The following SNX29 variants were observed in gnomAD, a reference collection of about 807,000 sequenced individuals.
SNX29 encodes the protein sorting nexin-29.
A neutral mutation model predicts 102.1 loss-of-function variants in SNX29; 78 were observed. That is an observed-to-expected ratio of 0.76 (90% confidence interval 0.64 to 0.92). SNX29 has a LOEUF of 0.92. SNX29 is among the 40% of genes least tolerant of loss of function. The probability of loss-of-function intolerance (pLI) is 0.00; values close to 1 mark genes in which losing one functional copy is unlikely to be tolerated. For missense variants in SNX29, 1,280 were observed against 1,061.7 expected, an observed-to-expected ratio of 1.21 and a Z score of -2.86; for synonymous variants, 580 against 414.5, an observed-to-expected ratio of 1.40 and a Z score of -4.85.
chr16:12,147,217 G>C (rs2055100241), intron 13 of SNX29, among the ~76,000 whole-genome samples: 1 of 152,228 alleles, frequency 6.6e-6, no homozygotes, highest in African/African-American at 2.4e-5. Context: ...ACCAAACACA[G>C]ACTTGGGCAG....
intron 3 of SNX29, among the ~76,000 whole-genome samples, chr16:12,024,885 T>C (rs1301341287): frequency 6.6e-6 from 1 of 152,202 alleles, no homozygotes; most frequent in African/African-American, 2.4e-5. Context: ...GTTTTTGTTT[T>C]TGTTTTTTTC....
At chr16:12,542,260 A>G (rs2077375526) in intron 20 of SNX29, among the ~76,000 whole-genome samples, 1 of 118,442 alleles carries the variant, frequency 8.4e-6, no homozygotes, top group Non-Finnish European at 2.1e-5. Context: ...ATAGATGAGG[A>G]AATTGAGGCA....
At chr16:12,238,861 C>A (rs2078016778) in intron 14 of SNX29, among the ~76,000 whole-genome samples, 1 of 152,230 alleles carries the variant, frequency 6.6e-6, no homozygotes, top group Non-Finnish European at 1.5e-5. Flanking sequence ...CTTTATCTTT[C>A]TGCTCTACCA....
At chr16:12,125,605 CTTTTTTTT>C (rs36212472) in intron 11 of SNX29, among the ~76,000 whole-genome samples, 2 of 45,406 alleles carry the variant, frequency 4.4e-5, no homozygotes, top group Non-Finnish European at 8.3e-5. Context: ...TGAGATCTCT[CTTTTTTTT>C]TTTTTTTTTT....
At chr16:12,308,498 G>A (rs566517401) in intron 15 of SNX29, among the ~76,000 whole-genome samples, 2 of 152,234 alleles carry the variant, frequency 1.3e-5, no homozygotes, top group African/African-American at 4.8e-5. Flanking sequence ...TTAATCCTCA[G>A]GTCACTCATG....
intron 10 of SNX29, among the ~76,000 whole-genome samples, chr16:12,076,287 C>G (rs2051564181): frequency 6.6e-6 from 1 of 151,262 alleles, no homozygotes; most frequent in Non-Finnish European, 1.5e-5. Context: ...TCCTATTCGG[C>G]CATCTTGGCT....
chr16:12,293,772 G>A (rs1475487706), intron 15 of SNX29, among the ~76,000 whole-genome samples: 1 of 152,118 alleles, frequency 6.6e-6, no homozygotes, highest in African/African-American at 2.4e-5. Context: ...TTAATTTTGA[G>A]CCATTCTGTT....
At chr16:12,066,712 G>A (rs1319523650) in intron 9 of SNX29, among the ~76,000 whole-genome samples, 1 of 142,016 alleles carries the variant, frequency 7.0e-6, no homozygotes, top group African/African-American at 2.6e-5. Flanking sequence ...TGTTGGGAAG[G>A]TTGAGAGAGG....
intron 14 of SNX29, among the ~76,000 whole-genome samples, chr16:12,214,523 G>T (rs1175468271): frequency 6.6e-6 from 1 of 152,076 alleles, no homozygotes; most frequent in Non-Finnish European, 1.5e-5. Context: ...TGTTTTGCTC[G>T]AGTGGGTAAT....
chr16:12,297,082 C>G (rs2080006917), intron 15 of SNX29: 1 of 152,374 alleles, frequency 6.6e-6, no homozygotes, highest in African/African-American at 2.4e-5. Flanking sequence ...AGAACCACTC[C>G]TCTAGGATAT....
At chr16:12,403,920 C>G (rs112437505) in intron 18 of SNX29, among the ~76,000 whole-genome samples, 1 of 152,148 alleles carries the variant, frequency 6.6e-6, no homozygotes, top group African/African-American at 2.4e-5. Flanking sequence ...GTGACCCTCT[C>G]AGGCCAGCTG....
At chr16:12,558,573 G>A (rs1204253193) in intron 20 of SNX29, among the ~76,000 whole-genome samples, 1 of 152,172 alleles carries the variant, frequency 6.6e-6, no homozygotes, top group Non-Finnish European at 1.5e-5. Context: ...CGTCCATGGT[G>A]GATCCATACA....
Position 12,003,077 on chromosome 16 carries a change from G to A in SNX29, c.122+34G>A, listed in dbSNP as rs200430498. On this transcript the variant is annotated intron_variant, in intron 3 of 20. Coordinates refer to ENST00000566228, the MANE Select transcript of SNX29 (RefSeq NM_032167.5). ...GTCACTTCTAAAACCGTTGACCATC[G>A]AGGTTGGAAAGGCGGCAGAAGGTGG... 8.7e-6 allele frequency: 14 copies of A among 1,613,048 alleles called. No individual in the cohort carries two copies. In the East Asian group the frequency reaches 8.9e-5, roughly 10 times the overall value.
At chr16:12,500,935 A>G (rs577570722) in intron 19 of SNX29, among the ~76,000 whole-genome samples, 1 of 152,296 alleles carries the variant, frequency 6.6e-6, no homozygotes, top group East Asian at 1.9e-4. Flanking sequence ...CTCACTTGTC[A>G]GATTGTCAGG....
chr16:12,557,961 T>G (rs74455157), intron 20 of SNX29, among the ~76,000 whole-genome samples: 1,710 of 152,194 alleles, frequency 0.011, 32 homozygotes, highest in African/African-American at 0.038. Context: ...CCTGTCTTCC[T>G]GTGGGTCTTC....
intron 12 of SNX29, among the ~76,000 whole-genome samples, chr16:12,128,008 A>G (rs1450226670): frequency 6.6e-6 from 1 of 152,136 alleles, no homozygotes; most frequent in Non-Finnish European, 1.5e-5. Flanking sequence ...ACACACAGTC[A>G]TGATTCTCCT....
At chr16:12,246,941 G>A (rs1433148062) in intron 14 of SNX29, among the ~76,000 whole-genome samples, 1 of 152,162 alleles carries the variant, frequency 6.6e-6, no homozygotes. Flanking sequence ...TATGGGGAAG[G>A]CCAGAGGCAC....
intron 1 of SNX29, among the ~76,000 whole-genome samples, chr16:11,984,132 C>T (rs571177620): frequency 5.9e-5 from 9 of 152,176 alleles, no homozygotes; most frequent in East Asian, 3.9e-4. Context: ...GTGGGAGGAT[C>T]GCTTGAGCCC....
At chr16:12,524,253 C>T (rs958384785) in intron 19 of SNX29, among the ~76,000 whole-genome samples, 7 of 152,068 alleles carry the variant, frequency 4.6e-5, no homozygotes, top group African/African-American at 1.7e-4. Context: ...CCCCTGAAGG[C>T]AAAATTAAGC....
Sources: allele counts gnomAD v4.1 joint callset (sites outside exome capture counted in the v4.1 genomes callset), GRCh38; gene constraint gnomAD v4.1.1; transcripts MANE v1.5; gene names NCBI Gene and HGNC (gene_info 2026-07-23, HGNC 2026-07-21).